The following ANKRD18A variants were observed in gnomAD, a reference collection of about 807,000 sequenced individuals.
ANKRD18A encodes ankyrin repeat domain-containing protein 18A.
A neutral mutation model predicts 110.6 loss-of-function variants in ANKRD18A; 72 were observed. The ratio of observed to expected loss-of-function variants is 0.65; its 90% confidence interval spans 0.54 to 0.79. ANKRD18A has a LOEUF of 0.79. Among genes scored for constraint, ANKRD18A ranks in the 30% least tolerant of loss-of-function variants. The pLI is 0.00. For missense variants in ANKRD18A, 934 were observed against 1,163.3 expected, an observed-to-expected ratio of 0.80 and a Z score of 2.87; for synonymous variants, 305 against 410.3, an observed-to-expected ratio of 0.74 and a Z score of 3.10.
chr9:38,578,069 T>C lies in ANKRD18A; in HGVS notation c.2327A>G (p.Gln776Arg). The change falls in exon 13 of 16, where the codon CAG (glutamine) becomes CGG (arginine). Residue 776 changes from glutamine to arginine, a missense_variant. Physicochemically the swap from Gln to Arg is conservative, Grantham distance 43. Around this residue, in one of 4 missense-constraint regions of ANKRD18A, gnomAD observed 79 missense variants for 122.8 expected, o/e 0.64. Transcript: ENST00000399703. ...TACATTTCTCATAGATAATAACTCC[T>C]GATGAAGAACTTCATTGTCTTTGGC... is the stretch of plus-strand genomic sequence containing the variant. Reference protein sequence around the residue: ...NLAKDNEVLHQELLSMRNVQE... With the variant: ...NLAKDNEVLHRELLSMRNVQE... 1 of 1,550,832 alleles carries C rather than the reference T, an allele frequency of 6.4e-7. No individual in the cohort carries two copies. The highest frequency in any genetic ancestry group is 8.7e-7 in the Non-Finnish European group (1 of 1,146,562).
chr9:38,581,526 T>A (rs1379535344), intron 12 of ANKRD18A, among the ~76,000 whole-genome samples: 2 of 152,194 alleles, frequency 1.3e-5, no homozygotes, highest in East Asian at 3.8e-4. Flanking sequence ...AAGTATTTAT[T>A]AATCAATCTA....
Position 38,575,615 on chromosome 9 carries a change from G to A in ANKRD18A, c.2825C>T (p.Thr942Ile), listed in dbSNP as rs11999308. 6,810 of 1,551,488 alleles carry A rather than the reference G, an allele frequency of 4.4e-3. 75 individuals carry two copies. Among genetic ancestry groups the A allele is most frequent in the African/African-American group, 0.041 (2,976 of 73,142 alleles). ...RMKYFLSTLP[T>I]RPEPELPCVE... The stretch of plus-strand genomic sequence containing the variant: ...ACAAGGTAACTCTGGTTCTGGCCTT[G>A]TAGGAAGAGTGCTGAGAAAATATTT... Residue 942 changes from threonine (T) to isoleucine (I), a missense_variant, in exon 15 of 16, where the codon ACA (threonine) becomes ATA (isoleucine). This residue lies in a region of ANKRD18A where 223 missense variants were observed against 226.7 expected (regional missense o/e 0.98). Coordinates refer to ENST00000399703, the MANE Select transcript of ANKRD18A (RefSeq NM_147195.4).
intron 1 of ANKRD18A, among the ~76,000 whole-genome samples, chr9:38,618,091 TAA>T: frequency 6.6e-6 from 1 of 152,294 alleles, no homozygotes; most frequent in Middle Eastern, 3.4e-3. Flanking sequence ...CTGAAGAAGC[TAA>T]AAGTTCAAAC....
At chr9:38,583,768 T>G (rs768609891) in intron 12 of ANKRD18A, among the ~76,000 whole-genome samples, 11 of 152,218 alleles carry the variant, frequency 7.2e-5, no homozygotes, top group Non-Finnish European at 1.6e-4. Flanking sequence ...CATAAAATGT[T>G]TAATGTATCC....
At chr9:38,579,343 AC>A (rs1487695599) in intron 12 of ANKRD18A, among the ~76,000 whole-genome samples, 3 of 152,332 alleles carry the variant, frequency 2.0e-5, no homozygotes, top group Non-Finnish European at 4.4e-5. Context: ...GACAAATGGT[AC>A]TACAACTGAG....
At chr9:38,605,715 G>A (rs1312077849) in intron 6 of ANKRD18A, among the ~76,000 whole-genome samples, 1 of 152,124 alleles carries the variant, frequency 6.6e-6, no homozygotes, top group African/African-American at 2.4e-5. Flanking sequence ...CTGGGTTCAA[G>A]CAATTCTTCT....
chr9:38,619,986 G>A (rs1826014648), intron 1 of ANKRD18A, 94 bp downstream of exon 1: 2 of 1,449,850 alleles, frequency 1.4e-6, no homozygotes, highest in Admixed American at 2.6e-5. Context: ...GAGGGTGCCC[G>A]GCGCCCTCCA....
At chr9:38,619,377 T>C (rs115607973) in intron 1 of ANKRD18A, among the ~76,000 whole-genome samples, 1,819 of 152,322 alleles carry the variant, frequency 0.012, 43 homozygotes, top group African/African-American at 0.041. Flanking sequence ...ATATCTTACA[T>C]ATATTTCAGT....
At chr9:38,599,351 C>T (rs564994766) in intron 8 of ANKRD18A, among the ~76,000 whole-genome samples, 2 of 152,318 alleles carry the variant, frequency 1.3e-5, no homozygotes, top group South Asian at 2.1e-4. Context: ...ACGGGGCACT[C>T]CCTTTAAGTT....
At chr9:38,571,249 TAA>T, downstream of ANKRD18A, 2 of 1,467,402 alleles carry the variant, frequency 1.4e-6, no homozygotes, top group Non-Finnish European at 1.8e-6. Context: ...TGCCAGAAAG[TAA>T]AAAAGTGCTG....
At chr9:38,592,580 G>C (rs892114519) in intron 10 of ANKRD18A, among the ~76,000 whole-genome samples, 1 of 152,178 alleles carries the variant, frequency 6.6e-6, no homozygotes, top group Non-Finnish European at 1.5e-5. Context: ...TGAGGATAGA[G>C]TCCAATGGCA....
chr9:38,586,111 T>C, intron 12 of ANKRD18A, 72 bp downstream of exon 12: 2 of 1,371,560 alleles, frequency 1.5e-6, no homozygotes, highest in South Asian at 1.3e-5. Context: ...CACATTTACC[T>C]ATGTAACAAA....
rs1311415028 is a variant in ANKRD18A at position 38,595,493 on chromosome 9, TCTG to T, written c.1844_1846del (p.Ala615del). 1 of 1,476,760 alleles carries T rather than the reference TCTG, an allele frequency of 6.8e-7. No individual in the cohort carries two copies. The highest frequency in any genetic ancestry group is 1.4e-5 in the African/African-American group (1 of 69,794). 91.5% of individuals were successfully genotyped at this position (1,476,760 alleles called of 1,614,324 possible). A position where few individuals can be genotyped will look rare whatever the true frequency, so the allele number is the denominator to read the frequency against. ...AGTTTTCTTCATACTTACTTCTCTT[TCTG>T]CTTTTTCTTTTTCACACTGAAGCAG... On this transcript the variant is annotated inframe_deletion, in exon 9 of 16. Coordinates refer to ENST00000399703, the MANE Select transcript of ANKRD18A (RefSeq NM_147195.4).
Position 38,596,416 on chromosome 9 carries a change from A to T in ANKRD18A, c.937-13T>A. The T allele has an allele frequency of 2.1e-6, 3 of 1,429,490 alleles. No individual in the cohort carries two copies. The South Asian group carries it at 4.9e-5, about 23-fold the overall frequency. The allele number at this position is 1,429,490 out of a possible 1,614,324, so 88.6% of individuals were successfully genotyped here. A position where few individuals can be genotyped will look rare whatever the true frequency, so the allele number is the denominator to read the frequency against. ...AACTTTGAGAATCCTAAATAAAACA[A>T]AACAAATTTTTAGTTAGCACTCAAT... is the stretch of plus-strand genomic sequence containing the variant. On this transcript the variant is annotated splice_polypyrimidine_tract_variant and intron_variant, in intron 8 of 15. Transcript: ENST00000399703.
Position 38,578,129 on chromosome 9 carries a change from T to G in ANKRD18A, c.2267A>C (p.Glu756Ala). The stretch of plus-strand genomic sequence containing the variant: ...ACATTCTGAAGACACAGCTTCCTTC[T>G]CGGCCACAAGATCATTAAACTGCAT... ...LKQKFNDLVAEKEAVSSECVN... is the reference protein window; with the variant it reads ...LKQKFNDLVAAKEAVSSECVN... The change falls in exon 13 of 16, where the codon GAG becomes GCG. Residue 756 changes from glutamate to alanine, a missense_variant. Around this residue, in one of 4 missense-constraint regions of ANKRD18A, gnomAD observed 79 missense variants for 122.8 expected, o/e 0.64. Transcript: ENST00000399703. 6.5e-7 allele frequency: 1 copy of G among 1,546,050 alleles called. No individual in the cohort carries two copies. Among genetic ancestry groups the G allele is most frequent in the Non-Finnish European group, 8.7e-7 (1 of 1,145,750 alleles).
chr9:38,582,402 A>G (rs1824203247), intron 12 of ANKRD18A, among the ~76,000 whole-genome samples: 1 of 151,334 alleles, frequency 6.6e-6, no homozygotes. Flanking sequence ...AAGATATTCT[A>G]CTACATTTAA....
At position 38,595,993 on chromosome 9, in the gene ANKRD18A, T is replaced by C. The variant is rs1287488217; in HGVS notation, c.1347A>G (p.Ala449=). 16 of 1,550,032 alleles carry C rather than the reference T, an allele frequency of 1.0e-5. No individual in the cohort carries two copies. Among genetic ancestry groups the C allele is most frequent in the Non-Finnish European group, 1.7e-6 (2 of 1,146,228 alleles). Residue 449 remains alanine, a synonymous_variant, in exon 9 of 16, where the codon GCA becomes GCG. Transcript: ENST00000399703. ...RKDLELVLWR[A]DDVSRHEKMG... is the part of the protein sequence containing the mutation. ...TTTTTTCATGTCTAGAAACATCATC[T>C]GCTCTCCATAAAACTAGTTCTAGGT...
chr9:38,595,064 T>C (rs1187781442), intron 9 of ANKRD18A, among the ~76,000 whole-genome samples: 1 of 152,186 alleles, frequency 6.6e-6, no homozygotes, highest in Non-Finnish European at 1.5e-5. Flanking sequence ...GCTGATATAG[T>C]AAACACTTTT....
rs552438607 is a variant in ANKRD18A, at chr9:38,608,699, A to G, written c.741-1206T>C. Among the ~76,000 whole-genome samples, 331 of 146,958 alleles carry G rather than the reference A, an allele frequency of 2.3e-3. 2 individuals are homozygous for G. The highest frequency in any genetic ancestry group is 4.0e-3 in the Non-Finnish European group (266 of 66,584). On this transcript the variant is annotated intron_variant, in intron 5 of 15. Coordinates refer to ENST00000399703, the MANE Select transcript of ANKRD18A (RefSeq NM_147195.4). ...ACATAAATATAAAAATAATATAATT[A>G]TATACATTATATAATAATTATATAA...
Sources: allele counts gnomAD v4.1 joint callset (sites outside exome capture counted in the v4.1 genomes callset), GRCh38; gene constraint gnomAD v4.1.1; regional missense constraint gnomAD v4.1.1; transcripts MANE v1.5; gene names NCBI Gene and HGNC (gene_info 2026-07-23, HGNC 2026-07-21).